Variants in ARID1B observed in about 807,000 individuals in gnomAD.
ARID1B encodes AT-rich interactive domain-containing protein 1B.
A neutral mutation model predicts 212.3 loss-of-function variants in ARID1B; 30 were observed. That is an observed-to-expected ratio of 0.14 (90% CI 0.11 to 0.19). The LOEUF is 0.19. ARID1B is among the 10% of genes least tolerant of loss of function. The probability of loss-of-function intolerance (pLI) is 1.00; values close to 1 mark genes in which losing one functional copy is unlikely to be tolerated. For missense variants in ARID1B, 2,891 were observed against 3,204.0 expected, an observed-to-expected ratio of 0.90 and a Z score of 2.36; for synonymous variants, 1,402 against 1,301.7, an observed-to-expected ratio of 1.08 and a Z score of -1.66.
intron 2 of ARID1B, among the ~76,000 whole-genome samples, chr6:156,845,492 G>A (rs889306823): frequency 4.5e-4 from 69 of 152,050 alleles, no homozygotes; most frequent in Non-Finnish European, 4.1e-4. Flanking sequence ...TGGCCTTAAT[G>A]GGTGGATTGG....
intron 4 of ARID1B, among the ~76,000 whole-genome samples, chr6:157,081,852 A>G (rs1298439896): frequency 1.3e-5 from 2 of 152,356 alleles, no homozygotes; most frequent in Admixed American, 6.5e-5. Flanking sequence ...TGATTTTTCA[A>G]AAATTAAATC....
chr6:157,098,029 C>G (rs1371978191), intron 5 of ARID1B, among the ~76,000 whole-genome samples: 1 of 152,112 alleles, frequency 6.6e-6, no homozygotes, highest in South Asian at 2.1e-4. Context: ...TGTCACTATA[C>G]CCATTTCTTC....
intron 1 of ARID1B, among the ~76,000 whole-genome samples, chr6:156,826,751 T>C (rs1362395570): frequency 6.6e-6 from 1 of 152,090 alleles, no homozygotes; most frequent in Non-Finnish European, 1.5e-5. Context: ...TTGTCAAGTA[T>C]AGCAGAAGCC....
intron 3 of ARID1B, among the ~76,000 whole-genome samples, chr6:156,907,948 T>A (rs1187018042): frequency 6.6e-6 from 1 of 152,066 alleles, no homozygotes; most frequent in East Asian, 1.9e-4. Context: ...GTCCCTTTTT[T>A]AATTTACTGA....
intron 4 of ARID1B, among the ~76,000 whole-genome samples, chr6:157,002,776 C>T (rs529168556): frequency 3.3e-4 from 51 of 152,342 alleles, no homozygotes; most frequent in African/African-American, 1.2e-3. Context: ...GACCTGCCCT[C>T]ATGTTACTTT....
chr6:156,867,276 TACTGGCGGCAG>T (rs1247501051), intron 2 of ARID1B, among the ~76,000 whole-genome samples: 1 of 152,208 alleles, frequency 6.6e-6, no homozygotes, highest in Admixed American at 6.5e-5. Context: ...GGCAGTTAGG[TACTGGCGGCAG>T]TCCTGTGCTG....
intron 4 of ARID1B, among the ~76,000 whole-genome samples, chr6:157,021,867 G>C (rs1031517196): frequency 6.6e-6 from 1 of 151,958 alleles, no homozygotes; most frequent in African/African-American, 2.4e-5. Flanking sequence ...TGTTTCCCCT[G>C]CGCCGTCTCG....
At chr6:157,028,075 G>A (rs773291015) in intron 4 of ARID1B, among the ~76,000 whole-genome samples, 1 of 152,148 alleles carries the variant, frequency 6.6e-6, no homozygotes, top group Non-Finnish European at 1.5e-5. Context: ...GTGTGTGTGT[G>A]TGTAAATGGT....
chr6:157,039,915 C>CTTCT (rs1258453889), intron 4 of ARID1B, among the ~76,000 whole-genome samples: 6 of 133,680 alleles, frequency 4.5e-5, no homozygotes, highest in Admixed American at 2.4e-4. Flanking sequence ...TCCTTCCTTC[C>CTTCT]TTCTTTCTTT....
chr6:157,194,063 G>C (rs1793561270), intron 15 of ARID1B: 1 of 152,160 alleles, frequency 6.6e-6, no homozygotes, highest in Admixed American at 6.5e-5. Context: ...TGTTTACCTT[G>C]GATTCATTCC....
chr6:157,074,520 C>T (rs145670063), intron 4 of ARID1B, among the ~76,000 whole-genome samples: 24 of 152,228 alleles, frequency 1.6e-4, no homozygotes, highest in East Asian at 1.4e-3. Flanking sequence ...ACACCATGCC[C>T]GGCCAATTTA....
At chr6:156,934,457 T>C (rs1791997196) in intron 3 of ARID1B, among the ~76,000 whole-genome samples, 1 of 152,196 alleles carries the variant, frequency 6.6e-6, no homozygotes, top group Admixed American at 6.5e-5. Context: ...GCCGTGTTAA[T>C]TATAAGTTTA....
chr6:156,801,748 C>G (rs983251233), intron 1 of ARID1B, among the ~76,000 whole-genome samples: 1 of 151,922 alleles, frequency 6.6e-6, no homozygotes, highest in African/African-American at 2.4e-5. Context: ...GGCTGTTTTA[C>G]TTCACTTTGT....
intron 4 of ARID1B, among the ~76,000 whole-genome samples, chr6:157,034,455 A>G (rs1173074386): frequency 6.6e-6 from 1 of 152,256 alleles, no homozygotes; most frequent in Non-Finnish European, 1.5e-5. Flanking sequence ...TAATCGGATT[A>G]ACACAGATCT....
intron 4 of ARID1B, among the ~76,000 whole-genome samples, chr6:156,959,210 C>T (rs942859756): frequency 6.6e-6 from 1 of 152,154 alleles, no homozygotes; most frequent in African/African-American, 2.4e-5. Context: ...GTACAGTCCT[C>T]AGTATCCACA....
At chr6:156,853,800 G>A (rs1171543362) in intron 2 of ARID1B, among the ~76,000 whole-genome samples, 2 of 152,098 alleles carry the variant, frequency 1.3e-5, no homozygotes, top group East Asian at 3.9e-4. Flanking sequence ...ACAGTGGCAC[G>A]ACCACGGCTC....
chr6:157,143,515 T>G (rs1583391892), intron 7 of ARID1B, among the ~76,000 whole-genome samples: 1 of 151,986 alleles, frequency 6.6e-6, no homozygotes, highest in African/African-American at 2.4e-5. Flanking sequence ...GATGTTGTTA[T>G]GGCCATTGAT....
intron 4 of ARID1B, among the ~76,000 whole-genome samples, chr6:157,027,877 A>G (rs938063150): frequency 6.6e-6 from 1 of 152,240 alleles, no homozygotes; most frequent in Non-Finnish European, 1.5e-5. Flanking sequence ...GTATGATCAA[A>G]TAGTACCTTA....
chr6:156,847,299 G>A (rs1784296063), intron 2 of ARID1B, among the ~76,000 whole-genome samples: 1 of 152,116 alleles, frequency 6.6e-6, no homozygotes, highest in Admixed American at 6.5e-5. Context: ...CACAACTGGA[G>A]CGTCTCTGGC....
Sources: gnomAD v4.1 joint callset for allele counts (sites outside exome capture counted in the v4.1 genomes callset) on GRCh38, gnomAD v4.1.1 for gene constraint, MANE v1.5 for transcripts, NCBI Gene and HGNC (gene_info 2026-07-23, HGNC 2026-07-21) for gene names.